The following ZSCAN4 variants were observed in gnomAD, a reference collection of about 807,000 sequenced individuals.
ZSCAN4 encodes zinc finger and SCAN domain containing 4.
Under a neutral mutation model 18.3 loss-of-function variants are expected in ZSCAN4, and 18 were observed. The ratio of observed to expected loss-of-function variants is 0.98; its 90% confidence interval spans 0.68 to 1.46. The LOEUF (loss-of-function observed/expected upper bound fraction) is 1.46, where lower values mean the gene tolerates loss of function less well. Among genes scored for constraint, ZSCAN4 ranks in the 40% most tolerant of loss-of-function variants. The pLI, the probability that ZSCAN4 is intolerant of heterozygous loss-of-function variation, is 0.00. For missense variants in ZSCAN4, 498 were observed against 511.4 expected (o/e 0.97, Z 0.25); for synonymous variants, 193 against 180.3 (o/e 1.07, Z -0.57).
the ZSCAN4 span, among the ~76,000 whole-genome samples, chr19:57,662,621 G>A: frequency 1.3e-5 from 2 of 152,134 alleles, no homozygotes; most frequent in Non-Finnish European, 2.9e-5. Context: ...GAGTGCAGTG[G>A]CACAATGTCA....
chr19:57,670,788 G>A (rs1277665992), intron 2 of ZSCAN4, among the ~76,000 whole-genome samples: 2 of 152,038 alleles, frequency 1.3e-5, no homozygotes, highest in Non-Finnish European at 1.5e-5. Context: ...GCTTGATGTT[G>A]TGAACTCTGT....
the ZSCAN4 span, among the ~76,000 whole-genome samples, chr19:57,663,355 C>G: frequency 6.6e-6 from 1 of 151,556 alleles, no homozygotes; most frequent in South Asian, 2.1e-4. Flanking sequence ...CATTTCCTTT[C>G]TATACCATTA....
chr19:57,653,010 T>A, the ZSCAN4 span, among the ~76,000 whole-genome samples: 4 of 152,028 alleles, frequency 2.6e-5, no homozygotes, highest in African/African-American at 4.8e-5. Context: ...CATAACCCAG[T>A]TGGGGCCTTC....
chr19:57,676,182 C>G, exon 3 of ZSCAN4: 1 of 1,613,768 alleles, frequency 6.2e-7, no homozygotes. Flanking sequence ...TCAGTGTGAA[C>G]CATCCGAGAA....
the ZSCAN4 span, among the ~76,000 whole-genome samples, chr19:57,652,638 C>T: frequency 1.3e-5 from 2 of 152,102 alleles, no homozygotes; most frequent in Non-Finnish European, 2.9e-5. Context: ...CCTCCATTCT[C>T]CCTTCTTTCT....
intron 3 of ZSCAN4, 88 bp downstream of exon 3, chr19:57,676,629 G>C: frequency 7.0e-7 from 1 of 1,433,092 alleles, no homozygotes; most frequent in African/African-American, 1.4e-5. Flanking sequence ...GGAAGTTAGA[G>C]AAGCTATTGG....
the ZSCAN4 span, among the ~76,000 whole-genome samples, chr19:57,652,471 A>G: frequency 6.6e-6 from 1 of 151,998 alleles, no homozygotes; most frequent in Non-Finnish European, 1.5e-5. Flanking sequence ...TCAACAAAAG[A>G]CCCACGAAAA....
chr19:57,661,262 T>G, the ZSCAN4 span, among the ~76,000 whole-genome samples: 1 of 152,206 alleles, frequency 6.6e-6, no homozygotes, highest in East Asian at 1.9e-4. Context: ...AACCTCAACC[T>G]AAGGAAGGAA....
chr19:57,653,154 A>G, the ZSCAN4 span, among the ~76,000 whole-genome samples: 2 of 152,218 alleles, frequency 1.3e-5, no homozygotes, highest in African/African-American at 4.8e-5. Context: ...ATGAAAAGAT[A>G]AAGGAAATTA....
chr19:57,678,108 G>A lies in ZSCAN4; in HGVS notation c.562+29G>A, dbSNP rs145363104. The A allele has an allele frequency of 1.1e-4, 168 of 1,590,600 alleles. 1 individual carries two copies. The African/African-American group carries it at 2.1e-3, about 20-fold the overall frequency. On this transcript the variant is annotated intron_variant, in intron 4 of 4. Transcript: ENST00000318203. ...AGTCAGGTGAATCTGCACAACTGAG[G>A]AGTGTTCTATGTGGACCCCTTCTTA...
chr19:57,678,578 T>C, exon 5 of ZSCAN4: 3 of 1,614,034 alleles, frequency 1.9e-6, no homozygotes, highest in Non-Finnish European at 1.7e-6. Flanking sequence ...AGTATCTCTG[T>C]CACTTATTAG....
At chr19:57,656,191 A>G in the ZSCAN4 span, among the ~76,000 whole-genome samples, 1 of 152,146 alleles carries the variant, frequency 6.6e-6, no homozygotes, top group African/African-American at 2.4e-5. Flanking sequence ...TGCAATGGAC[A>G]CCAGAGAGCT....
the ZSCAN4 span, among the ~76,000 whole-genome samples, chr19:57,652,095 A>T: frequency 2.6e-5 from 4 of 151,976 alleles, no homozygotes. Flanking sequence ...TGGAATCAGG[A>T]TACTCACCAC....
chr19:57,667,185 G>T (rs561416141), upstream of ZSCAN4, among the ~76,000 whole-genome samples: 3 of 152,120 alleles, frequency 2.0e-5, no homozygotes, highest in East Asian at 5.8e-4. Context: ...TTATTGTTTT[G>T]TGCCTGTTTA....
the ZSCAN4 span, among the ~76,000 whole-genome samples, chr19:57,653,348 C>G: frequency 7.6e-5 from 11 of 144,582 alleles, no homozygotes; most frequent in South Asian, 4.4e-4. Context: ...GATCACTCCA[C>G]TGCAATCCAG....
chr19:57,664,097 G>C (rs1875341301), upstream of ZSCAN4, among the ~76,000 whole-genome samples: 1 of 151,884 alleles, frequency 6.6e-6, no homozygotes, highest in South Asian at 2.1e-4. Context: ...TGCCATTGCA[G>C]TACAGCCTGG....
At chr19:57,660,868 C>T in the ZSCAN4 span, among the ~76,000 whole-genome samples, 1 of 152,088 alleles carries the variant, frequency 6.6e-6, no homozygotes, top group Non-Finnish European at 1.5e-5. Context: ...CCTCCCCTGG[C>T]CCCCAGTGTA....
chr19:57,663,535 A>T, the ZSCAN4 span, among the ~76,000 whole-genome samples: 1 of 147,406 alleles, frequency 6.8e-6, no homozygotes, highest in Non-Finnish European at 1.5e-5. Flanking sequence ...AAAAAAAAAA[A>T]AAAAAAAAAA....
At chr19:57,653,621 C>G in the ZSCAN4 span, among the ~76,000 whole-genome samples, 4 of 152,078 alleles carry the variant, frequency 2.6e-5, no homozygotes, top group African/African-American at 9.7e-5. Flanking sequence ...AAGTCTTTAA[C>G]AATAGGGAGG....
Sources: allele counts gnomAD v4.1 joint callset (sites outside exome capture counted in the v4.1 genomes callset), GRCh38; gene constraint gnomAD v4.1.1; transcripts MANE v1.5; gene names NCBI Gene and HGNC (gene_info 2026-07-23, HGNC 2026-07-21).